The following PAK3 variants were observed in gnomAD, a reference collection of about 807,000 sequenced individuals.
The protein encoded by PAK3 is p21 (RAC1) activated kinase 3.
Under a neutral mutation model 41.0 loss-of-function variants are expected in PAK3, and 4 were observed. The ratio of observed to expected loss-of-function variants is 0.10; its 90% CI spans 0.05 to 0.22. PAK3 has a LOEUF of 0.22. Ranked by LOEUF, PAK3 falls within the 10% of genes least tolerant of loss-of-function variation. The pLI, the probability that PAK3 is intolerant of heterozygous loss-of-function variation, is 1.00. For synonymous variants in PAK3, 146 were observed against 139.6 expected, an observed-to-expected ratio of 1.05 and a Z score of -0.32; for missense variants, 205 against 409.9, an observed-to-expected ratio of 0.50 and a Z score of 4.32.
At chrX:110,991,131 C>A (rs867162911) in intron 1 of PAK3, among the ~76,000 whole-genome samples, 3 of 97,362 alleles carry the variant, frequency 3.1e-5, no homozygotes, top group African/African-American at 7.5e-5. Flanking sequence ...GACCCTGTCT[C>A]AAAAAAAAAA....
At chrX:111,170,311 C>G (rs1603344156) in intron 10 of PAK3, among the ~76,000 whole-genome samples, 1 of 110,003 alleles carries the variant, frequency 9.1e-6, no homozygotes, top group East Asian at 2.9e-4. Context: ...ATTATAACAA[C>G]CCATATATTA....
intron 1 of PAK3, among the ~76,000 whole-genome samples, chrX:111,054,149 A>T (rs760167544): frequency 5.4e-5 from 6 of 111,876 alleles, no homozygotes; most frequent in Non-Finnish European, 9.4e-5. Flanking sequence ...ACCACTTCCC[A>T]CAAGACAATC....
intron 1 of PAK3, among the ~76,000 whole-genome samples, chrX:110,999,196 G>A (rs1465491755): frequency 9.0e-6 from 1 of 111,699 alleles, no homozygotes; most frequent in Non-Finnish European, 1.9e-5. Flanking sequence ...TGGCATCCCA[G>A]CCTGCTCTTA....
At chrX:110,975,070 A>C (rs1432699985) in intron 1 of PAK3, among the ~76,000 whole-genome samples, 2 of 112,112 alleles carry the variant, frequency 1.8e-5, no homozygotes, top group African/African-American at 6.5e-5. Flanking sequence ...TGCTTGTCTC[A>C]CCACTACTAT....
intron 1 of PAK3, among the ~76,000 whole-genome samples, chrX:110,999,641 G>C (rs1444643811): frequency 9.4e-6 from 1 of 106,905 alleles, no homozygotes; most frequent in Admixed American, 1.0e-4. Context: ...TGGGGGAGTG[G>C]TGGTGGTGGT....
intron 1 of PAK3, among the ~76,000 whole-genome samples, chrX:110,957,338 G>A (rs1441251726): frequency 8.9e-6 from 1 of 111,998 alleles, no homozygotes; most frequent in Non-Finnish European, 1.9e-5. Flanking sequence ...TGCTTACCAT[G>A]TGCTAGGCAC....
chrX:110,998,587 G>T (rs982777953), intron 1 of PAK3, among the ~76,000 whole-genome samples: 2 of 112,091 alleles, frequency 1.8e-5, no homozygotes, highest in Non-Finnish European at 3.8e-5. Context: ...GGCAGTAGCA[G>T]TATCTAGAAG....
intron 1 of PAK3, among the ~76,000 whole-genome samples, chrX:111,043,875 G>A (rs2092473841): frequency 1.8e-5 from 2 of 111,229 alleles, no homozygotes; most frequent in African/African-American, 6.5e-5. Flanking sequence ...TGACCCACAA[G>A]GTTTTCAATA....
intron 5 of PAK3, among the ~76,000 whole-genome samples, chrX:111,140,160 C>A (rs1476503818): frequency 8.9e-6 from 1 of 111,806 alleles, no homozygotes; most frequent in Non-Finnish European, 1.9e-5. Context: ...ACATGTGGAT[C>A]CACCCCTGCC....
intron 1 of PAK3, among the ~76,000 whole-genome samples, chrX:110,998,408 A>G (rs1301841379): frequency 8.9e-6 from 1 of 112,403 alleles, no homozygotes; most frequent in Non-Finnish European, 1.9e-5. Flanking sequence ...CTCAAGTAAG[A>G]TGAGAACTGA....
chrX:111,164,409 GC>G (rs754122865), intron 10 of PAK3, among the ~76,000 whole-genome samples: 13 of 109,733 alleles, frequency 1.2e-4, no homozygotes, highest in East Asian at 2.9e-4. Flanking sequence ...AGCAATAAGT[GC>G]CCCCCCCAAC....
intron 1 of PAK3, among the ~76,000 whole-genome samples, chrX:110,999,624 G>T (rs1039808400): frequency 9.3e-6 from 1 of 107,485 alleles, no homozygotes; most frequent in Non-Finnish European, 1.9e-5. Flanking sequence ...AAGGTATTGG[G>T]TTTTATTGGG....
At chrX:111,199,139 G>A (rs187502878) in intron 16 of PAK3, among the ~76,000 whole-genome samples, 69 of 111,410 alleles carry the variant, frequency 6.2e-4, no homozygotes, top group Non-Finnish European at 1.9e-4. Flanking sequence ...CATCGTTGGT[G>A]TATAGAAATG....
intron 1 of PAK3, among the ~76,000 whole-genome samples, chrX:111,086,192 T>C (rs2092881671): frequency 9.0e-6 from 1 of 110,927 alleles, no homozygotes; most frequent in African/African-American, 3.3e-5. Context: ...GCGCTGTTTG[T>C]GGGATTCTAG....
intron 11 of PAK3, among the ~76,000 whole-genome samples, chrX:111,180,777 A>G (rs2094454603): frequency 8.9e-6 from 1 of 111,888 alleles, no homozygotes; most frequent in African/African-American, 3.2e-5. Context: ...TGTTATTTGA[A>G]TAGTACCATA....
At position 111,211,413 on chromosome X, in the gene PAK3, C is replaced by T. The variant is rs751845815; in HGVS notation, c.1408-5008C>T. On this transcript the variant is annotated intron_variant, in intron 16 of 17. Transcript: ENST00000372007. ...TTGAAAAAGGTATGTGGGCTGGACG[C>T]GGTGGCTCATGACCTGCACTTTGGG... is the stretch of plus-strand genomic sequence containing the variant. Among the ~76,000 whole-genome samples the T allele has an allele frequency of 2.1e-4, 23 of 110,723 alleles. No individual in the cohort carries two copies. In the South Asian group the frequency reaches 3.1e-3, roughly 15 times the overall value.
chrX:111,040,562 C>G (rs191565105), intron 1 of PAK3, among the ~76,000 whole-genome samples: 12 of 111,990 alleles, frequency 1.1e-4, no homozygotes. Context: ...ACACTCCCAG[C>G]TTGACCACCT....
Position 110,982,454 on chromosome X carries a change from C to A in PAK3, c.-28+37826C>A, listed in dbSNP as rs2091464725. On this transcript the variant is annotated intron_variant, in intron 1 of 14. Transcript: ENST00000425146. ...TGTGGTGAGGACTAAATGAGATAAC[C>A]TATATATAAAGCACTTAGCTCATCG... 2.7e-5 allele frequency among the ~76,000 whole-genome samples: 3 copies of A among 111,955 alleles called. No homozygotes were observed. The Admixed American group carries it at 2.8e-4, about 11-fold the overall frequency.
chrX:111,046,726 T>C (rs1347297195), intron 1 of PAK3, among the ~76,000 whole-genome samples: 4 of 111,759 alleles, frequency 3.6e-5, no homozygotes, highest in Non-Finnish European at 7.5e-5. Context: ...AAAAATAAGA[T>C]AGTATGTGCA....
Sources: allele counts gnomAD v4.1 joint callset (sites outside exome capture counted in the v4.1 genomes callset), GRCh38; gene constraint gnomAD v4.1.1; transcripts MANE v1.5; gene names NCBI Gene and HGNC (gene_info 2026-07-23, HGNC 2026-07-21).